The following DYNC2I1 variants were observed in gnomAD, a reference collection of about 807,000 sequenced individuals.
DYNC2I1 encodes dynein 2 intermediate chain 1.
A neutral mutation model predicts 133.4 loss-of-function variants in DYNC2I1; 89 were observed. That is an observed-to-expected ratio of 0.67 (90% confidence interval 0.56 to 0.80). The LOEUF is 0.80. DYNC2I1 is among the 30% of genes least tolerant of loss of function. The pLI, the probability that DYNC2I1 is intolerant of heterozygous loss-of-function variation, is 0.00. For synonymous variants in DYNC2I1, 504 were observed against 484.3 expected, an observed-to-expected ratio of 1.04 and a Z score of -0.54; for missense variants, 1,291 against 1,314.5, an observed-to-expected ratio of 0.98 and a Z score of 0.28.
Position 158,891,338 on chromosome 7 carries a change from G to A in DYNC2I1, c.1059+5G>A, listed in dbSNP as rs1284139613. ...CCGGGAGGCGAGGAAACCGTGGTAA[G>A]GAGAGTACGTCTTCTTATAGTTTGC... On this transcript the variant is annotated splice_donor_5th_base_variant and intron_variant, in intron 8 of 24. Coordinates refer to ENST00000407559, the MANE Select transcript of DYNC2I1 (RefSeq NM_018051.5). 10 of 1,614,070 alleles carry A rather than the reference G, an allele frequency of 6.2e-6. No individual in the cohort carries two copies. The highest frequency in any genetic ancestry group is 8.5e-6 in the Non-Finnish European group (10 of 1,179,906).
At chr7:158,883,676 T>G (rs1382519108) in intron 5 of DYNC2I1, among the ~76,000 whole-genome samples, 2 of 145,756 alleles carry the variant, frequency 1.4e-5, no homozygotes, top group South Asian at 2.2e-4. Flanking sequence ...TTTTTTTTTT[T>G]TTTTTGAGAC....
intron 15 of DYNC2I1, among the ~76,000 whole-genome samples, chr7:158,920,403 G>C (rs774359756): frequency 6.7e-6 from 1 of 150,082 alleles, no homozygotes; most frequent in Non-Finnish European, 1.5e-5. Flanking sequence ...CGTGAAGTGC[G>C]TGTGTGTACC....
chr7:158,856,378 T>C (rs1483538062), upstream of DYNC2I1, among the ~76,000 whole-genome samples: 2 of 152,230 alleles, frequency 1.3e-5, no homozygotes, highest in African/African-American at 2.4e-5. Context: ...GTACTGCACC[T>C]ACCCCTTGGG....
rs139559301 is a variant in DYNC2I1, at chr7:158,956,420, A to G, written c.*57-163A>G. Among the ~76,000 whole-genome samples the G allele has an allele frequency of 9.5e-4, 145 of 152,326 alleles. No individual in the cohort carries two copies. The South Asian group carries it at 0.013, about 14-fold the overall frequency. On this transcript the variant is annotated intron_variant and NMD_transcript_variant, in intron 4 of 4. Transcript: ENST00000454771. Reference sequence around the variant, plus strand: ...TCACCACGTCCACAGTTAAAGCGGCAGCGGAGACAGCGTGGTGCTGAGGCT... The same window carrying G: ...TCACCACGTCCACAGTTAAAGCGGCGGCGGAGACAGCGTGGTGCTGAGGCT...
intron 1 of DYNC2I1, among the ~76,000 whole-genome samples, chr7:158,858,364 G>A (rs1477203950): frequency 1.3e-5 from 2 of 152,136 alleles, no homozygotes; most frequent in African/African-American, 4.8e-5. Context: ...TAGATACAAT[G>A]GAGTCCTGTA....
intron 17 of DYNC2I1, among the ~76,000 whole-genome samples, chr7:158,924,289 G>A (rs772156722): frequency 2.0e-5 from 3 of 152,236 alleles, no homozygotes; most frequent in Non-Finnish European, 2.9e-5. Context: ...AAGATGCCGC[G>A]TTTATCCAAG....
chr7:158,937,236 A>G (rs1188954488), intron 23 of DYNC2I1, among the ~76,000 whole-genome samples: 1 of 152,234 alleles, frequency 6.6e-6, no homozygotes, highest in Non-Finnish European at 1.5e-5. Flanking sequence ...ACTGAGAAAC[A>G]TATTTGCTGG....
chr7:158,869,265 C>T (rs540814058), intron 1 of DYNC2I1, among the ~76,000 whole-genome samples: 21 of 147,256 alleles, frequency 1.4e-4, no homozygotes, highest in African/African-American at 4.9e-4. Flanking sequence ...CCTCTGGGCC[C>T]GTGGCTGTGG....
At chr7:158,867,156 G>T (rs28439291) in intron 1 of DYNC2I1, among the ~76,000 whole-genome samples, 1 of 151,912 alleles carries the variant, frequency 6.6e-6, no homozygotes, top group Non-Finnish European at 1.5e-5. Context: ...AGTTTGCTTA[G>T]CTGAGGTTAG....
intron 21 of DYNC2I1, among the ~76,000 whole-genome samples, chr7:158,932,193 G>A (rs533546634): frequency 6.6e-6 from 1 of 152,332 alleles, no homozygotes; most frequent in South Asian, 2.1e-4. Context: ...CCTGCAGCGA[G>A]GCCCCGTCCC....
At chr7:158,901,965 C>T (rs1419978047) in intron 9 of DYNC2I1, 149 bp downstream of exon 9, 1 of 614,570 alleles carries the variant, frequency 1.6e-6, no homozygotes, top group Non-Finnish European at 2.8e-6. Flanking sequence ...AAGCTGTTAC[C>T]TGTAAAATGC....
At chr7:158,839,343 T>C in the DYNC2I1 span, among the ~76,000 whole-genome samples, 1 of 144,232 alleles carries the variant, frequency 6.9e-6, no homozygotes, top group African/African-American at 2.7e-5. Flanking sequence ...CTGCAAAACC[T>C]AAAGAGGATG....
At chr7:158,839,547 C>T in the DYNC2I1 span, among the ~76,000 whole-genome samples, 1 of 152,150 alleles carries the variant, frequency 6.6e-6, no homozygotes, top group Admixed American at 6.5e-5. Context: ...TGGCTGGGCA[C>T]GGTGGTTCAC....
downstream of DYNC2I1, among the ~76,000 whole-genome samples, chr7:158,957,974 T>A (rs2129490624): frequency 6.6e-6 from 1 of 151,628 alleles, no homozygotes; most frequent in Middle Eastern, 3.4e-3. Flanking sequence ...GGCCTTCCGC[T>A]CCGGGGAGCA....
chr7:158,900,026 T>C (rs1228953043), intron 8 of DYNC2I1, among the ~76,000 whole-genome samples: 1 of 152,204 alleles, frequency 6.6e-6, no homozygotes, highest in Non-Finnish European at 1.5e-5. Context: ...TGTGTAATTT[T>C]GGGCTGCTGA....
At position 158,887,003 on chromosome 7, in the gene DYNC2I1, A is replaced by T. The variant is rs1490787904; in HGVS notation, c.936-18A>T. On this transcript the variant is annotated intron_variant, in intron 6 of 24. Transcript: ENST00000407559. ...TCATTTAAAGTAAGTTTTGATTTTG[A>T]TTATGTTTGCTTTCCAGGCATGCTG... 6.2e-7 allele frequency: 1 copy of T among 1,612,108 alleles called. No homozygotes were observed. The highest frequency in any genetic ancestry group is 8.5e-7 in the Non-Finnish European group (1 of 1,178,620).
At chr7:158,883,445 C>G (rs1218528536) in intron 5 of DYNC2I1, among the ~76,000 whole-genome samples, 1 of 150,992 alleles carries the variant, frequency 6.6e-6, no homozygotes, top group African/African-American at 2.4e-5. Context: ...CCTCGAGCTC[C>G]TGACCTCAGG....
intron 7 of DYNC2I1, among the ~76,000 whole-genome samples, chr7:158,890,114 C>T (rs981739800): frequency 6.6e-6 from 1 of 151,486 alleles, no homozygotes; most frequent in African/African-American, 2.4e-5. Context: ...TCCTAAAGTA[C>T]TGGGATTACA....
chr7:158,880,452 G>A (rs981353457), intron 5 of DYNC2I1, among the ~76,000 whole-genome samples: 1 of 152,032 alleles, frequency 6.6e-6, no homozygotes, highest in African/African-American at 2.4e-5. Context: ...TAGGAGAATC[G>A]CTGGAATCTG....
Sources: gnomAD v4.1 joint callset for allele counts (sites outside exome capture counted in the v4.1 genomes callset) on GRCh38, gnomAD v4.1.1 for gene constraint, MANE v1.5 for transcripts, NCBI Gene and HGNC (gene_info 2026-07-23, HGNC 2026-07-21) for gene names.